CDIN1: variants seen among roughly 807,000 people sequenced by gnomAD.
CDIN1 encodes the protein CDAN1 interacting nuclease 1.
In CDIN1, 33 loss-of-function variants were observed where a neutral mutation model predicts 45.3. The ratio of observed to expected loss-of-function variants is 0.73; its 90% CI spans 0.55 to 0.97. The LOEUF (loss-of-function observed/expected upper bound fraction) is 0.97. CDIN1 is among the 50% of genes least tolerant of loss of function. The pLI is 0.00. For missense variants in CDIN1, 303 were observed against 339.4 expected (o/e 0.89, Z 0.84); for synonymous variants, 118 against 124.4 (o/e 0.95, Z 0.34).
intron 5 of CDIN1, among the ~76,000 whole-genome samples, chr15:36,677,383 T>C (rs1204617821): frequency 1.3e-5 from 2 of 152,124 alleles, no homozygotes; most frequent in African/African-American, 4.8e-5. Context: ...ATCATCTGTT[T>C]AGACTAAATA....
intron 3 of CDIN1, among the ~76,000 whole-genome samples, chr15:36,645,494 TTGTGTGTG>T (rs57349735): frequency 3.2e-4 from 46 of 143,468 alleles, no homozygotes; most frequent in Admixed American, 7.0e-4. Flanking sequence ...CTGTCTTGAC[TTGTGTGTG>T]TGTGTGTGTG....
chr15:36,711,722 T>G (rs1328442801), intron 10 of CDIN1, among the ~76,000 whole-genome samples: 2 of 152,186 alleles, frequency 1.3e-5, no homozygotes, highest in African/African-American at 4.8e-5. Context: ...ATGTTAGCCT[T>G]GGTTTTAAAT....
intron 10 of CDIN1, among the ~76,000 whole-genome samples, chr15:36,710,492 T>C (rs1366762855): frequency 6.6e-6 from 1 of 152,148 alleles, no homozygotes; most frequent in Non-Finnish European, 1.5e-5. Flanking sequence ...TTACTGTTTA[T>C]CTACCACATG....
At chr15:36,693,218 G>A (rs2140725340) in intron 7 of CDIN1, among the ~76,000 whole-genome samples, 1 of 152,224 alleles carries the variant, frequency 6.6e-6, no homozygotes, top group East Asian at 1.9e-4. Context: ...GTTAATCTTT[G>A]ATGAATAACC....
chr15:36,590,640 C>G (rs934300784), intron 1 of CDIN1, among the ~76,000 whole-genome samples: 1 of 152,100 alleles, frequency 6.6e-6, no homozygotes, highest in African/African-American at 2.4e-5. Context: ...CCAACATATA[C>G]TTATTTTTAA....
chr15:36,594,877 AC>A, intron 1 of CDIN1: 1 of 985,262 alleles, frequency 1.0e-6, no homozygotes. Context: ...GCTCTTTAAT[AC>A]CACCCCATTT....
chr15:36,694,542 G>A (rs2042356778), intron 7 of CDIN1, among the ~76,000 whole-genome samples: 1 of 152,016 alleles, frequency 6.6e-6, no homozygotes, highest in African/African-American at 2.4e-5. Context: ...AGCACAGTTA[G>A]CAAAGAGTAT....
At chr15:36,804,098 T>G (rs1220267321) in intron 10 of CDIN1, among the ~76,000 whole-genome samples, 1 of 152,024 alleles carries the variant, frequency 6.6e-6, no homozygotes, top group Non-Finnish European at 1.5e-5. Flanking sequence ...TTGGTTTTTT[T>G]ACTTGTAGAA....
intron 9 of CDIN1, 114 bp downstream of exon 9, chr15:36,709,402 A>G (rs1322106709): frequency 2.9e-6 from 2 of 684,876 alleles, no homozygotes; most frequent in East Asian, 6.2e-5. Context: ...TAATTGGAAA[A>G]TGTTACTTTT....
Position 36,662,878 on chromosome 15 carries a change from T to A in CDIN1, c.346+4973T>A, listed in dbSNP as rs1234939583. ...AGTTTTTTTTTTTTTTTTTTTGGAT[T>A]TGAAATATTTTCATTATACTTACTG... On this transcript the variant is annotated intron_variant, in intron 5 of 10. Transcript: ENST00000566621. Among the ~76,000 whole-genome samples the A allele has an allele frequency of 8.7e-5, 13 of 148,692 alleles. No individual in the cohort carries two copies. The East Asian group carries it at 2.4e-3, about 27-fold the overall frequency.
At chr15:36,650,076 C>T (rs559198667) in intron 3 of CDIN1, among the ~76,000 whole-genome samples, 4 of 152,336 alleles carry the variant, frequency 2.6e-5, no homozygotes, top group Admixed American at 6.5e-5. Context: ...TTCTGTAGAT[C>T]TGATCTTCTA....
chr15:36,607,822 G>C (rs113577218), intron 1 of CDIN1, among the ~76,000 whole-genome samples: 1 of 151,618 alleles, frequency 6.6e-6, no homozygotes, highest in Non-Finnish European at 1.5e-5. Context: ...AATATTTTAC[G>C]ACCCCAAAAA....
intron 10 of CDIN1, among the ~76,000 whole-genome samples, chr15:36,804,984 A>G (rs112188612): frequency 0.023 from 3,558 of 151,898 alleles, 154 homozygotes; most frequent in African/African-American, 0.082. Flanking sequence ...CGAGAAACAC[A>G]TTTTGAACAT....
At chr15:36,649,618 G>T (rs1288444751) in intron 3 of CDIN1, among the ~76,000 whole-genome samples, 1 of 152,136 alleles carries the variant, frequency 6.6e-6, no homozygotes. Context: ...AGTTCTCCAT[G>T]CTGTGGCCTA....
Position 36,682,077 on chromosome 15 carries a change from ATG to A in CDIN1, c.347-9588_347-9587del, listed in dbSNP as rs745531678. ...CAGAACCAATAGGAGGGGTGTGTGTATGTGTGTGTGTGTGTGTGTGTAATTGA... is the reference window on the plus strand; with the variant it reads ...CAGAACCAATAGGAGGGGTGTGTGTATGTGTGTGTGTGTGTGTGTAATTGA... On this transcript the variant is annotated intron_variant, in intron 5 of 10. Coordinates refer to ENST00000566621, the MANE Select transcript of CDIN1 (RefSeq NM_001321759.2). Among the ~76,000 whole-genome samples, 1,087 of 149,320 alleles carry A rather than the reference ATG, an allele frequency of 7.3e-3. 15 individuals are homozygous for A. Among genetic ancestry groups the A allele is most frequent in the African/African-American group, 0.024 (992 of 40,764 alleles).
intron 10 of CDIN1, among the ~76,000 whole-genome samples, chr15:36,727,494 G>T (rs1233841241): frequency 6.6e-6 from 1 of 152,126 alleles, no homozygotes; most frequent in African/African-American, 2.4e-5. Context: ...GAAAAATGTT[G>T]TCTGGCCAAA....
intron 1 of CDIN1, chr15:36,618,451 A>C (rs1229629306): frequency 4.4e-6 from 4 of 907,048 alleles, no homozygotes; most frequent in Non-Finnish European, 7.4e-6. Flanking sequence ...AGATGACGAC[A>C]AGATGTCAAT....
intron 10 of CDIN1, among the ~76,000 whole-genome samples, chr15:36,784,215 G>A (rs1318661800): frequency 6.6e-6 from 1 of 152,128 alleles, no homozygotes; most frequent in Non-Finnish European, 1.5e-5. Context: ...CCGGCTTACA[G>A]GAGAGATTTG....
intron 1 of CDIN1, among the ~76,000 whole-genome samples, chr15:36,622,408 G>A (rs2039239445): frequency 6.6e-6 from 1 of 152,162 alleles, no homozygotes; most frequent in South Asian, 2.1e-4. Flanking sequence ...GGAGTAGAGA[G>A]AGGCAGTGTT....
Sources: gnomAD v4.1 joint callset for allele counts (sites outside exome capture counted in the v4.1 genomes callset) on GRCh38, gnomAD v4.1.1 for gene constraint, MANE v1.5 for transcripts, NCBI Gene and HGNC (gene_info 2026-07-23, HGNC 2026-07-21) for gene names.